HEG1: variants seen among roughly 807,000 people sequenced by gnomAD.
The protein encoded by HEG1 is heart development protein with EGF like domains 1.
Under a neutral mutation model 125.6 loss-of-function variants are expected in HEG1, and 56 were observed. That is an observed-to-expected ratio of 0.45 (90% CI 0.36 to 0.56). The LOEUF (loss-of-function observed/expected upper bound fraction) is 0.56, where lower values mean the gene tolerates loss of function less well. HEG1 is among the 20% of genes least tolerant of loss of function. The probability of loss-of-function intolerance (pLI) is 0.00; values close to 1 mark genes in which losing one functional copy is unlikely to be tolerated. For missense variants in HEG1, 1,523 were observed against 1,670.0 expected (o/e 0.91, Z 1.53); for synonymous variants, 644 against 668.5 (o/e 0.96, Z 0.57).
chr3:125,026,870 G>C (rs970844202), intron 3 of HEG1, among the ~76,000 whole-genome samples: 1 of 152,056 alleles, frequency 6.6e-6, no homozygotes, highest in Non-Finnish European at 1.5e-5. Context: ...CATGGTGATG[G>C]GCGCCTGTAA....
At chr3:125,026,043 G>A (rs918949677) in intron 3 of HEG1, among the ~76,000 whole-genome samples, 3 of 152,242 alleles carry the variant, frequency 2.0e-5, no homozygotes, top group African/African-American at 7.2e-5. Flanking sequence ...ATTTTGCAAT[G>A]GCAATTTTGG....
At chr3:125,046,408 C>T (rs397875291) in intron 1 of HEG1, among the ~76,000 whole-genome samples, 19 of 72,930 alleles carry the variant, frequency 2.6e-4, no homozygotes, top group Admixed American at 1.0e-3. Context: ...TACACACACA[C>T]ACACACACAC....
chr3:124,989,668 G>A (rs894074999), intron 14 of HEG1, among the ~76,000 whole-genome samples: 2 of 152,170 alleles, frequency 1.3e-5, no homozygotes, highest in African/African-American at 4.8e-5. Flanking sequence ...GCTGCTTGGC[G>A]TTCCACCCTC....
intron 14 of HEG1, among the ~76,000 whole-genome samples, chr3:124,987,302 A>G (rs1452611773): frequency 2.0e-5 from 3 of 152,182 alleles, no homozygotes; most frequent in East Asian, 1.9e-4. Flanking sequence ...AGAGGCCCCA[A>G]GAGGACTGAG....
chr3:125,043,756 C>T (rs566168694), intron 1 of HEG1, among the ~76,000 whole-genome samples: 1 of 152,262 alleles, frequency 6.6e-6, no homozygotes, highest in Non-Finnish European at 1.5e-5. Context: ...TTGTCACCGT[C>T]ACATTTGATC....
chr3:125,029,160 C>G (rs534596312), intron 2 of HEG1, 35 bp downstream of exon 2: 167 of 1,590,462 alleles, frequency 1.1e-4, no homozygotes, highest in Non-Finnish European at 1.4e-4. Flanking sequence ...ACTGGACACA[C>G]ATGCGTGAAA....
In HEG1 at chr3:124,975,957, T is replaced by C. The variant is rs116267389; in HGVS notation, c.3821+1902A>G. On this transcript the variant is annotated intron_variant, in intron 15 of 16. Coordinates refer to ENST00000311127, the MANE Select transcript of HEG1 (RefSeq NM_020733.2). ...GGTAGAGTTTTCACCTTTTGGCTAT[T>C]GTAAATAATGTTGCTGTGAACATTG... Among the ~76,000 whole-genome samples, 626 of 152,386 alleles carry C rather than the reference T, an allele frequency of 4.1e-3. 5 individuals are homozygous for C. The highest frequency in any genetic ancestry group is 0.014 in the African/African-American group (596 of 41,590).
intron 14 of HEG1, among the ~76,000 whole-genome samples, chr3:124,988,694 G>A (rs923549993): frequency 1.3e-5 from 2 of 152,248 alleles, no homozygotes; most frequent in East Asian, 1.9e-4. Flanking sequence ...CGAGGTGGGC[G>A]GATTACAAGG....
chr3:125,044,504 T>A (rs1419394094), intron 1 of HEG1, among the ~76,000 whole-genome samples: 2 of 152,202 alleles, frequency 1.3e-5, no homozygotes, highest in Non-Finnish European at 2.9e-5. Flanking sequence ...GTGCTAAGCA[T>A]TTCACATAGA....
intron 1 of HEG1, among the ~76,000 whole-genome samples, chr3:125,042,502 C>A (rs1468710396): frequency 6.6e-6 from 1 of 152,190 alleles, no homozygotes; most frequent in Non-Finnish European, 1.5e-5. Context: ...GAGGGTTACA[C>A]GGATGAATCA....
intron 3 of HEG1, among the ~76,000 whole-genome samples, chr3:125,023,349 A>G (rs1579425260): frequency 1.3e-5 from 2 of 152,216 alleles, no homozygotes; most frequent in African/African-American, 4.8e-5. Flanking sequence ...AAAGTCACAA[A>G]TGCTGAAAGT....
At position 124,991,049 on chromosome 3, in the gene HEG1, T is replaced by C. The variant is rs1423854938; in HGVS notation, c.3653-63A>G. The C allele has an allele frequency of 5.4e-6, 7 of 1,289,932 alleles. No homozygotes were observed. In the South Asian group the frequency reaches 9.3e-5, roughly 17 times the overall value. 79.9% of individuals were successfully genotyped at this position (1,289,932 alleles called of 1,614,324 possible). A position where few individuals can be genotyped will look rare whatever the true frequency, so the allele number is the denominator to read the frequency against. On this transcript the variant is annotated intron_variant, in intron 12 of 16. Transcript: ENST00000311127. ...TACCTCTCCCAAACTCCCAGTTAATTAAACGCCAGCCACCCTAAAGTCCAC... is the reference window on the plus strand; with the variant it reads ...TACCTCTCCCAAACTCCCAGTTAATCAAACGCCAGCCACCCTAAAGTCCAC...
At chr3:124,997,550 G>T in intron 12 of HEG1, 139 bp downstream of exon 12, 1 of 714,364 alleles carries the variant, frequency 1.4e-6, no homozygotes, top group Non-Finnish European at 2.0e-6. Flanking sequence ...CCTGCCACGA[G>T]CAAAATAACA....
intron 1 of HEG1, among the ~76,000 whole-genome samples, chr3:125,047,931 T>C (rs1428191179): frequency 6.6e-6 from 1 of 152,182 alleles, no homozygotes; most frequent in Non-Finnish European, 1.5e-5. Flanking sequence ...CTATCTTCAT[T>C]TCCCAGCCTA....
intron 15 of HEG1, among the ~76,000 whole-genome samples, chr3:124,975,312 C>G (rs192400577): frequency 1.3e-5 from 2 of 152,248 alleles, no homozygotes; most frequent in East Asian, 1.9e-4. Flanking sequence ...ATAATTCCTG[C>G]CATTATTATC....
At chr3:124,996,189 A>G (rs1936920901) in intron 12 of HEG1, among the ~76,000 whole-genome samples, 1 of 151,648 alleles carries the variant, frequency 6.6e-6, no homozygotes, top group Admixed American at 6.6e-5. Context: ...GGTTCAAGCG[A>G]TTCTCCTGCC....
chr3:124,984,359 C>T (rs201015950), intron 14 of HEG1, among the ~76,000 whole-genome samples: 9 of 151,656 alleles, frequency 5.9e-5, no homozygotes, highest in South Asian at 2.1e-4. Flanking sequence ...ACAAAAGAGA[C>T]GTGGCAAATA....
rs1936329805 is a variant in HEG1, at chr3:124,967,134, C to T, written c.*3518G>A. ...AGCTGCTTCTGAAAATATACTTCCC[C>T]TCAAAGGAGGAAGATGTGTCAGCGT... On this transcript the variant is annotated 3_prime_UTR_variant, in exon 17 of 17. Transcript: ENST00000311127. 6.6e-6 allele frequency: 1 copy of T among 152,240 alleles called. No individual in the cohort carries two copies. The highest frequency in any genetic ancestry group is 2.4e-5 in the African/African-American group (1 of 41,460). The allele number at this position is 152,240 out of a possible 1,614,324, so 9.4% of individuals were successfully genotyped here.
chr3:125,027,646 A>G, intron 2 of HEG1, 139 bp from the exon 3 acceptor site: 1 of 731,948 alleles, frequency 1.4e-6, no homozygotes, highest in Non-Finnish European at 2.2e-6. Flanking sequence ...GTCTATGAAA[A>G]ATAAACTCCT....
Sources: gnomAD v4.1 joint callset for allele counts (sites outside exome capture counted in the v4.1 genomes callset) on GRCh38, gnomAD v4.1.1 for gene constraint, MANE v1.5 for transcripts, NCBI Gene and HGNC (gene_info 2026-07-23, HGNC 2026-07-21) for gene names.